The following FARP1 variants were observed in gnomAD, a reference collection of about 807,000 sequenced individuals.
FARP1 encodes FERM, ARHGEF and pleckstrin domain-containing protein 1.
In FARP1, 52 loss-of-function variants were observed where a neutral mutation model predicts 128.8. That is an observed-to-expected ratio of 0.40 (90% CI 0.32 to 0.51). The LOEUF (loss-of-function observed/expected upper bound fraction) is 0.51. FARP1 is among the 20% of genes least tolerant of loss of function. The probability of loss-of-function intolerance (pLI) is 0.45; values close to 1 mark genes in which losing one functional copy is unlikely to be tolerated. For missense variants in FARP1, 1,333 were observed against 1,367.9 expected, an observed-to-expected ratio of 0.97 and a Z score of 0.40; for synonymous variants, 580 against 551.8, an observed-to-expected ratio of 1.05 and a Z score of -0.72.
At chr13:98,166,162 A>G (rs1877254192) in intron 1 of FARP1, among the ~76,000 whole-genome samples, 1 of 152,218 alleles carries the variant, frequency 6.6e-6, no homozygotes, top group African/African-American at 2.4e-5. Context: ...TTTTATCGGC[A>G]TATAAACAGA....
chr13:98,289,289 A>G (rs1885341379), intron 2 of FARP1, among the ~76,000 whole-genome samples: 1 of 152,184 alleles, frequency 6.6e-6, no homozygotes, highest in Non-Finnish European at 1.5e-5. Context: ...TGGCTAATGC[A>G]GAGTCTCAAA....
chr13:98,420,497 GA>G (rs1891554288), intron 16 of FARP1, among the ~76,000 whole-genome samples: 1 of 152,320 alleles, frequency 6.6e-6, no homozygotes, highest in Admixed American at 6.5e-5. Context: ...ACGAGGTCAG[GA>G]AGACTTGAAA....
chr13:98,285,167 T>C (rs17565512), intron 2 of FARP1, among the ~76,000 whole-genome samples: 1 of 152,194 alleles, frequency 6.6e-6, no homozygotes, highest in Non-Finnish European at 1.5e-5. Flanking sequence ...AATGTGCATG[T>C]CCCCTTATTG....
intron 2 of FARP1, among the ~76,000 whole-genome samples, chr13:98,317,352 TG>T (rs1360526420): frequency 6.6e-6 from 1 of 152,186 alleles, no homozygotes; most frequent in African/African-American, 2.4e-5. Context: ...CATGAACTCC[TG>T]GGCTCAAGGG....
intron 2 of FARP1, among the ~76,000 whole-genome samples, chr13:98,248,145 A>G (rs189093378): frequency 2.0e-5 from 3 of 152,274 alleles, no homozygotes; most frequent in African/African-American, 7.2e-5. Context: ...CAGCAACTCT[A>G]ATGAGAGAAA....
At chr13:98,177,289 C>G in intron 1 of FARP1, 5 of 1,420,100 alleles carry the variant, frequency 3.5e-6, no homozygotes, top group Non-Finnish European at 4.7e-6. Context: ...TTGCGTCGCC[C>G]TTGCGTCGCT....
chr13:98,260,114 C>A (rs1566804606), intron 2 of FARP1, among the ~76,000 whole-genome samples: 1 of 152,054 alleles, frequency 6.6e-6, no homozygotes, highest in African/African-American at 2.4e-5. Context: ...AATAAGTAAG[C>A]CTTACATTGG....
intron 2 of FARP1, among the ~76,000 whole-genome samples, chr13:98,220,321 A>G (rs938178738): frequency 6.6e-6 from 1 of 152,196 alleles, no homozygotes; most frequent in African/African-American, 2.4e-5. Flanking sequence ...GATAGACCCA[A>G]ATAAAATTTA....
chr13:98,275,334 A>T (rs1474834586), intron 2 of FARP1, among the ~76,000 whole-genome samples: 1 of 78,416 alleles, frequency 1.3e-5, no homozygotes. Context: ...GAATGTGGGT[A>T]AGGAGAGAGA....
chr13:98,261,600 AT>A (rs1159461240), intron 2 of FARP1, among the ~76,000 whole-genome samples: 3 of 151,910 alleles, frequency 2.0e-5, no homozygotes, highest in Non-Finnish European at 2.9e-5. Flanking sequence ...GTGGGAAGGA[AT>A]TTATGGTGTC....
intron 4 of FARP1, among the ~76,000 whole-genome samples, chr13:98,367,545 C>G (rs1423653925): frequency 1.3e-5 from 2 of 151,694 alleles, no homozygotes; most frequent in African/African-American, 4.9e-5. Context: ...TCTCCCTCCC[C>G]TCACTCCCTA....
In FARP1 at chr13:98,449,267, A is replaced by G. The variant is rs557362671; in HGVS notation, c.*950A>G. On this transcript the variant is annotated 3_prime_UTR_variant, in exon 27 of 27. Coordinates refer to ENST00000319562, the MANE Select transcript of FARP1 (RefSeq NM_005766.4). ...GTCGTTATTCCTATATCCTCCTGCA[A>G]CTGTGGTTTGAAACTGCGCATTCTC... The G allele has an allele frequency of 1.3e-5, 2 of 152,334 alleles. No homozygotes were observed. The highest frequency in any genetic ancestry group is 3.9e-4 in the East Asian group (2 of 5,184). 9.4% of individuals were successfully genotyped at this position (152,334 alleles called of 1,614,324 possible). A position where few individuals can be genotyped will look rare whatever the true frequency, so the allele number is the denominator to read the frequency against.
At chr13:98,274,077 C>A (rs1039314008) in intron 2 of FARP1, among the ~76,000 whole-genome samples, 3 of 151,782 alleles carry the variant, frequency 2.0e-5, no homozygotes, top group Non-Finnish European at 4.4e-5. Flanking sequence ...GGGCAACCAC[C>A]CTCTCCACCA....
chr13:98,384,498 G>A (rs542446869), intron 6 of FARP1: 1 of 553,650 alleles, frequency 1.8e-6, no homozygotes, highest in South Asian at 2.4e-5. Context: ...TGACCTTGAA[G>A]CTTCTTTCTG....
At chr13:98,334,019 G>C (rs781685711) in intron 2 of FARP1, 2 of 152,090 alleles carry the variant, frequency 1.3e-5, no homozygotes, top group Admixed American at 6.6e-5. Context: ...TCTGGATGCC[G>C]TTCTAAGGGC....
chr13:98,377,945 A>G, intron 6 of FARP1, 27 bp downstream of exon 6: 1 of 1,501,646 alleles, frequency 6.7e-7, no homozygotes, highest in Non-Finnish European at 9.3e-7. Context: ...TCCTTTGAAA[A>G]TCATGTTCAA....
chr13:98,163,024 A>G (rs1301056220), intron 1 of FARP1, among the ~76,000 whole-genome samples: 1 of 152,232 alleles, frequency 6.6e-6, no homozygotes, highest in Middle Eastern at 3.2e-3. Context: ...AGGCACGTGA[A>G]TGTTCATTGC....
rs10450813 is a variant in FARP1 at position 98,185,581 on chromosome 13, G to C, written c.-23-27639G>C. Among the ~76,000 whole-genome samples the C allele has an allele frequency of 5.3e-3, 799 of 152,126 alleles. 7 individuals carry two copies. The highest frequency in any genetic ancestry group is 0.018 in the African/African-American group (749 of 41,504). ...CTACCTTTCTTGATACCATTCCTGGGAAGCAGCATAGGTTCCTTTAGAAAC... is the reference window on the plus strand; with the variant it reads ...CTACCTTTCTTGATACCATTCCTGGCAAGCAGCATAGGTTCCTTTAGAAAC... On this transcript the variant is annotated intron_variant, in intron 1 of 26. Coordinates refer to ENST00000319562, the MANE Select transcript of FARP1 (RefSeq NM_005766.4).
chr13:98,303,203 G>A (rs981982178), intron 2 of FARP1, among the ~76,000 whole-genome samples: 1 of 152,198 alleles, frequency 6.6e-6, no homozygotes, highest in Admixed American at 6.5e-5. Flanking sequence ...GAGGCAGAAA[G>A]CTGATGTTGG....
Sources: gnomAD v4.1 joint callset for allele counts (sites outside exome capture counted in the v4.1 genomes callset) on GRCh38, gnomAD v4.1.1 for gene constraint, MANE v1.5 for transcripts, NCBI Gene and HGNC (gene_info 2026-07-23, HGNC 2026-07-21) for gene names.